ATP5F1A: variants seen among roughly 807,000 people sequenced by gnomAD.
ATP5F1A encodes the protein ATP synthase F1 subunit alpha.
A neutral mutation model predicts 57.4 loss-of-function variants in ATP5F1A; 24 were observed. The observed-to-expected ratio is 0.42, with a 90% CI of 0.30 to 0.59. The LOEUF is 0.59. ATP5F1A is among the 20% of genes least tolerant of loss of function. The pLI, the probability that ATP5F1A is intolerant of heterozygous loss-of-function variation, is 0.19. For synonymous variants in ATP5F1A, 251 were observed against 255.5 expected (o/e 0.98, Z 0.17); for missense variants, 494 against 707.9 (o/e 0.70, Z 3.43).
At chr18:46,098,376 C>A, upstream of ATP5F1A, 8 of 1,217,138 alleles carry the variant, frequency 6.6e-6, no homozygotes, top group South Asian at 4.0e-5. Flanking sequence ...CCTCTCCCCC[C>A]GCCCCCGCCG....
intron 6 of ATP5F1A, 68 bp from the exon 7 acceptor site, chr18:46,087,560 C>T (rs1260346303): frequency 1.9e-6 from 3 of 1,545,658 alleles, no homozygotes; most frequent in Non-Finnish European, 1.8e-6. Context: ...ATAAAAATTA[C>T]CTAAGTGCTA....
chr18:46,102,477 C>T (rs1458951940), upstream of ATP5F1A, among the ~76,000 whole-genome samples: 1 of 151,998 alleles, frequency 6.6e-6, no homozygotes, highest in Non-Finnish European at 1.5e-5. Context: ...GCACGTGCCA[C>T]CATGCCTGGC....
intron 1 of ATP5F1A, 126 bp downstream of exon 1, chr18:46,098,046 C>G: frequency 7.0e-7 from 1 of 1,435,226 alleles, no homozygotes; most frequent in Non-Finnish European, 9.1e-7. Context: ...GCCGGAGAAG[C>G]CACGGGTGCA....
chr18:46,100,251 TAAAA>T (rs34683117), upstream of ATP5F1A, among the ~76,000 whole-genome samples: 7 of 68,666 alleles, frequency 1.0e-4, no homozygotes, highest in African/African-American at 2.7e-4. Flanking sequence ...AAACTCCATC[TAAAA>T]AAAAAAAAAA....
rs1225109859 is a variant in ATP5F1A at position 46,103,811 on chromosome 18, G to A, written c.-49+326C>T. Among the ~76,000 whole-genome samples the A allele has an allele frequency of 2.0e-5, 3 of 151,856 alleles. No homozygotes were observed. The East Asian group carries it at 5.8e-4, about 29-fold the overall frequency. Reference sequence around the variant, plus strand: ...TGCCCGTAGTCCCAGCTACTTGGGAGGCTGAGACAGAAGAATCGCTTGAAC... The same window carrying A: ...TGCCCGTAGTCCCAGCTACTTGGGAAGCTGAGACAGAAGAATCGCTTGAAC... On this transcript the variant is annotated intron_variant, in intron 1 of 12. Coordinates refer to the ATP5F1A transcript ENST00000282050.
upstream of ATP5F1A, chr18:46,098,435 T>G: frequency 7.4e-7 from 1 of 1,359,422 alleles, no homozygotes; most frequent in Non-Finnish European, 9.5e-7. Context: ...GTAACATTTT[T>G]AAGTTTAAAC....
exon 1 of ATP5F1A, chr18:46,104,203 G>C: frequency 2.4e-6 from 1 of 413,386 alleles, no homozygotes; most frequent in Non-Finnish European, 4.3e-6. Context: ...GAGCTGGGAA[G>C]TGGCAACGAA....
chr18:46,098,274 T>A lies in ATP5F1A; in HGVS notation c.-43A>T. The A allele has an allele frequency of 6.3e-7, 1 of 1,579,346 alleles. No homozygotes were observed. Among genetic ancestry groups the A allele is most frequent in the Non-Finnish European group, 8.6e-7 (1 of 1,166,568 alleles). On this transcript the variant is annotated 5_prime_UTR_variant, in exon 1 of 12. Coordinates refer to ENST00000398752, the MANE Select transcript of ATP5F1A (RefSeq NM_004046.6). The stretch of plus-strand genomic sequence containing the variant: ...AGGCGGTACTTCTGCAGCCGCAGCC[T>A]CCGGACTGACTGGGACAAAATGGCC...
upstream of ATP5F1A, among the ~76,000 whole-genome samples, chr18:46,100,527 T>C (rs1427677399): frequency 6.6e-6 from 1 of 151,956 alleles, no homozygotes; most frequent in Non-Finnish European, 1.5e-5. Context: ...AGAGGTTCAC[T>C]TGAGCCCAGG....
intron 3 of ATP5F1A, among the ~76,000 whole-genome samples, 176 bp from the exon 4 acceptor site, chr18:46,090,172 T>C (rs1725878350): frequency 1.3e-5 from 2 of 152,220 alleles, no homozygotes; most frequent in Admixed American, 6.5e-5. Context: ...ATTAAGACTT[T>C]TAAAATTGCT....
At chr18:46,099,629 T>G (rs1435382670), upstream of ATP5F1A, among the ~76,000 whole-genome samples, 4 of 151,910 alleles carry the variant, frequency 2.6e-5, no homozygotes, top group African/African-American at 7.3e-5. Flanking sequence ...AAGACGGCGG[T>G]GGTGGGCAGG....
intron 2 of ATP5F1A, among the ~76,000 whole-genome samples, chr18:46,092,728 A>T (rs1339728920): frequency 6.6e-6 from 1 of 152,106 alleles, no homozygotes; most frequent in Non-Finnish European, 1.5e-5. Context: ...ACAAATGTAA[A>T]CCAGACAAGA....
At position 46,086,403 on chromosome 18, in the gene ATP5F1A, G is replaced by A; in HGVS notation, c.1268C>T (p.Thr423Ile). Residue 423 changes from threonine (T) to isoleucine (I), a missense_variant, in exon 9 of 12, where the codon ACC becomes ATC. Coordinates refer to ENST00000398752, the MANE Select transcript of ATP5F1A (RefSeq NM_004046.6). ...CAAAATTACCTGCTTCATAGCCCTG[G>A]TTTGGGCAGCGGATCCGACACGAGA... ...SVSRVGSAAQ[T>I]RAMKQVAGTM... The A allele has an allele frequency of 6.2e-7, 1 of 1,614,092 alleles. No individual in the cohort carries two copies. The highest frequency in any genetic ancestry group is 8.5e-7 in the Non-Finnish European group (1 of 1,180,048).
intron 1 of ATP5F1A, chr18:46,097,897 T>A: frequency 8.1e-7 from 1 of 1,230,646 alleles, no homozygotes; most frequent in African/African-American, 1.6e-5. Context: ...AAGATCCCCC[T>A]TCTAGGGCCG....
intron 1 of ATP5F1A, among the ~76,000 whole-genome samples, chr18:46,095,410 C>T (rs76364374): frequency 0.015 from 2,218 of 152,162 alleles, 59 homozygotes; most frequent in African/African-American, 0.051. Context: ...CATCCTCCAC[C>T]TCCTAGTCTC....
In ATP5F1A at chr18:46,084,508, T is replaced by C; in HGVS notation, c.1576A>G (p.Ile526Val). 1.9e-6 allele frequency: 3 copies of C among 1,594,390 alleles called. No individual in the cohort carries two copies. The highest frequency in any genetic ancestry group is 1.2e-5 in the South Asian group (1 of 86,768). Residue 526 changes from isoleucine (I) to valine (V), a missense_variant, in exon 11 of 12, where the codon ATC becomes GTC. Ile to Val is a conservative substitution (Grantham distance 29). Transcript: ENST00000398752. ...VSQHQALLGT[I>V]RADGKISEQS... Reference sequence around the variant, plus strand: ...TGCCAACAATTGCATTCATACCTGATAGTGCCCAACAAGGCTTGGTGCTGG... The same window carrying C: ...TGCCAACAATTGCATTCATACCTGACAGTGCCCAACAAGGCTTGGTGCTGG...
Position 46,086,105 on chromosome 18 carries a change from C to CA in ATP5F1A, c.1429+7dup. On this transcript the variant is annotated splice_region_variant and intron_variant, in intron 10 of 11. Coordinates refer to ENST00000398752, the MANE Select transcript of ATP5F1A (RefSeq NM_004046.6). Reference sequence around the variant, plus strand: ...GAACCTGACCAAATGAAGAAAAGAACAACTTACAATACTGTCCTTGCTTCA... The same window carrying CA: ...GAACCTGACCAAATGAAGAAAAGAACAAACTTACAATACTGTCCTTGCTTCA... 1 of 1,610,632 alleles carries CA rather than the reference C, an allele frequency of 6.2e-7. No homozygotes were observed. The highest frequency in any genetic ancestry group is 8.5e-7 in the Non-Finnish European group (1 of 1,179,338).
rs149765965 is a variant in ATP5F1A at position 46,084,221 on chromosome 18, G to T, written c.*61C>A. 6 of 1,423,886 alleles carry T rather than the reference G, an allele frequency of 4.2e-6. No individual in the cohort carries two copies. The highest frequency in any genetic ancestry group is 1.2e-5 in the South Asian group (1 of 81,318). The allele number at this position is 1,423,886 out of a possible 1,614,324, so 88.2% of individuals were successfully genotyped here. ...TATGAGAGTAACCCTTTTACAAATG[G>T]AACTAATTTACTAGAACAATGACAA... On this transcript the variant is annotated 3_prime_UTR_variant, in exon 12 of 12. Transcript: ENST00000398752.
At chr18:46,093,200 C>G (rs1042665999) in intron 2 of ATP5F1A, 3 of 152,058 alleles carry the variant, frequency 2.0e-5, no homozygotes, top group African/African-American at 7.2e-5. Flanking sequence ...GTGTGTCTTT[C>G]TCTTTCAAGG....
Sources: allele counts gnomAD v4.1 joint callset (sites outside exome capture counted in the v4.1 genomes callset), GRCh38; gene constraint gnomAD v4.1.1; transcripts MANE v1.5; gene names NCBI Gene and HGNC (gene_info 2026-07-23, HGNC 2026-07-21).